MTFMT: variants seen among roughly 807,000 people sequenced by gnomAD.
MTFMT encodes the protein methionyl-tRNA formyltransferase, mitochondrial.
In MTFMT, 47 loss-of-function variants were observed where a neutral mutation model predicts 51.8. The observed-to-expected ratio is 0.91, with a 90% CI of 0.72 to 1.16. MTFMT has a LOEUF of 1.16. MTFMT is among the 50% of genes most tolerant of loss of function. The pLI is 0.00. For missense variants in MTFMT, 512 were observed against 482.3 expected (o/e 1.06, Z -0.58); for synonymous variants, 196 against 176.7 (o/e 1.11, Z -0.87).
intron 6 of MTFMT, among the ~76,000 whole-genome samples, chr15:65,013,644 G>A (rs2086289086): frequency 6.6e-6 from 1 of 152,004 alleles, no homozygotes; most frequent in Non-Finnish European, 1.5e-5. Flanking sequence ...TTGCATTCCT[G>A]GGATAAATCC....
In MTFMT at chr15:65,013,515, A is replaced by G. The variant is rs571832043; in HGVS notation, c.813+2921T>C. Reference sequence around the variant, plus strand: ...TTCTAGTTTATTGAGGTTTTTTTACATGTGTTGGATTTTGTCAAATGCTTT... The same window carrying G: ...TTCTAGTTTATTGAGGTTTTTTTACGTGTGTTGGATTTTGTCAAATGCTTT... On this transcript the variant is annotated intron_variant, in intron 6 of 8. Coordinates refer to ENST00000220058, the MANE Select transcript of MTFMT (RefSeq NM_139242.4). 1.0e-3 allele frequency among the ~76,000 whole-genome samples: 158 copies of G among 152,158 alleles called. 1 individual carries two copies. The highest frequency in any genetic ancestry group is 2.1e-3 in the South Asian group (10 of 4,826).
At position 65,029,406 on chromosome 15, in the gene MTFMT, T is replaced by C; in HGVS notation, c.208A>G (p.Arg70Gly). 3 of 1,491,798 alleles carry C rather than the reference T, an allele frequency of 2.0e-6. No homozygotes were observed. Among genetic ancestry groups the C allele is most frequent in the Admixed American group, 2.2e-5 (1 of 45,450 alleles). 92.4% of individuals were successfully genotyped at this position (1,491,798 alleles called of 1,614,324 possible). A position where few individuals can be genotyped will look rare whatever the true frequency, so the allele number is the denominator to read the frequency against. The change falls in exon 1 of 9, where the codon AGG (arginine) becomes GGG (glycine). Residue 70 changes from arginine to glycine, a missense_variant and splice_region_variant. Physicochemically the swap from Arg to Gly is moderately radical, Grantham distance 125 (BLOSUM62 -2). Coordinates refer to ENST00000220058, the MANE Select transcript of MTFMT (RefSeq NM_139242.4). ...TCCCCGGATCCCTGGCCCGGGTACC[T>C]GGCGGCGTGCAGCGCCCGCAGCGCC... ...REALRALHAA[R>G]ENKEEELIDK...
intron 5 of MTFMT, among the ~76,000 whole-genome samples, chr15:65,016,927 T>A (rs958946803): frequency 5.2e-4 from 79 of 151,814 alleles, no homozygotes; most frequent in African/African-American, 1.7e-3. Flanking sequence ...ACTACAAGCG[T>A]GCACTACCAT....
Position 65,003,194 on chromosome 15 carries a change from G to A in MTFMT, c.1038C>T (p.Tyr346=). The A allele has an allele frequency of 6.2e-7, 1 of 1,613,784 alleles. No homozygotes were observed. Among genetic ancestry groups the A allele is most frequent in the Non-Finnish European group, 8.5e-7 (1 of 1,179,788 alleles). Residue 346 remains tyrosine, a synonymous_variant, in exon 9 of 9, where the codon TAC becomes TAT. Coordinates refer to ENST00000220058, the MANE Select transcript of MTFMT (RefSeq NM_139242.4). ...LKKSLTATDF[Y]NGYLHPWYQK... The stretch of plus-strand genomic sequence containing the variant: ...GGTACCAGGGGTGCAAATATCCATT[G>A]TAGAAGTCAGTAGCTGTTAGTGATT...
rs764419030 is a variant in MTFMT, at chr15:65,021,565, C to T, written c.594G>A (p.Lys198=). ...LKQETVPVPP[K]STAKELEAVL... The stretch of plus-strand genomic sequence containing the variant: ...CTGCTTCCAATTCCTTTGCAGTGCT[C>T]TTGGGTGGCACAGGAACAGTTTCTT... Residue 198 remains lysine (K), a synonymous_variant, in exon 4 of 9, where the codon AAG becomes AAA. Coordinates refer to ENST00000220058, the MANE Select transcript of MTFMT (RefSeq NM_139242.4). 13 of 1,605,760 alleles carry T rather than the reference C, an allele frequency of 8.1e-6. No homozygotes were observed. The highest frequency in any genetic ancestry group is 1.1e-5 in the Non-Finnish European group (13 of 1,173,262).
intron 7 of MTFMT, among the ~76,000 whole-genome samples, chr15:65,005,199 A>G (rs1218925092): frequency 1.3e-5 from 2 of 152,192 alleles, no homozygotes; most frequent in Non-Finnish European, 2.9e-5. Context: ...TGAATCTACA[A>G]GTTTTGTGTT....
Position 65,029,523 on chromosome 15 carries a change from G to A in MTFMT, c.91C>T (p.Arg31Ter), listed in dbSNP as rs1555404423. 1.3e-6 allele frequency: 2 copies of A among 1,528,198 alleles called. No individual in the cohort carries two copies. Among genetic ancestry groups the A allele is most frequent in the Middle Eastern group, 1.8e-4 (1 of 5,526 alleles). 94.7% of individuals were successfully genotyped at this position (1,528,198 alleles called of 1,614,324 possible). A position where few individuals can be genotyped will look rare whatever the true frequency, so the allele number is the denominator to read the frequency against. The stretch of plus-strand genomic sequence containing the variant: ...TCCCGGCAGTCCTCCCAGCCGAGTC[G>A]GGCCAGTGCTCGCCACTGGGGACTC... ...RPSPQWRALA[R>*]LGWEDCRDSR... Residue 31 changes from arginine (R) to a stop codon, truncating the protein, a stop_gained, in exon 1 of 9, where the codon CGA becomes TGA. Coordinates refer to ENST00000220058, the MANE Select transcript of MTFMT (RefSeq NM_139242.4). LOFTEE classifies it high-confidence loss of function.
At chr15:65,009,684 G>A (rs9920747) in intron 6 of MTFMT, among the ~76,000 whole-genome samples, 6,937 of 43,736 alleles carry the variant, frequency 0.16, 544 homozygotes, top group African/African-American at 0.38. Flanking sequence ...ACCGGATCTT[G>A]CTCTGTCATC....
intron 7 of MTFMT, among the ~76,000 whole-genome samples, chr15:65,005,270 C>G (rs2086212673): frequency 6.6e-6 from 1 of 152,178 alleles, no homozygotes; most frequent in Non-Finnish European, 1.5e-5. Context: ...AGGATTTAGG[C>G]TGGCCCTTTC....
At chr15:65,011,731 A>AG (rs888757448) in intron 6 of MTFMT, among the ~76,000 whole-genome samples, 1 of 151,956 alleles carries the variant, frequency 6.6e-6, no homozygotes, top group African/African-American at 2.4e-5. Context: ...CTTGGGTTCA[A>AG]GCAGTCCTCC....
chr15:65,006,790 A>G (rs1050944421), intron 6 of MTFMT, among the ~76,000 whole-genome samples: 2 of 152,214 alleles, frequency 1.3e-5, no homozygotes, highest in African/African-American at 2.4e-5. Flanking sequence ...ATTATGTTAA[A>G]AAATTTTAGA....
intron 6 of MTFMT, among the ~76,000 whole-genome samples, chr15:65,010,402 C>T (rs1004803551): frequency 6.6e-6 from 1 of 152,114 alleles, no homozygotes; most frequent in African/African-American, 2.4e-5. Flanking sequence ...CCATTATCCT[C>T]TCTCCTCCAG....
intron 4 of MTFMT, among the ~76,000 whole-genome samples, chr15:65,020,874 C>T (rs2086368287): frequency 6.6e-6 from 1 of 152,118 alleles, no homozygotes; most frequent in African/African-American, 2.4e-5. Flanking sequence ...AGCCAATGTT[C>T]AATAAACGGC....
intron 1 of MTFMT, 99 bp downstream of exon 1, chr15:65,029,306 G>A (rs1595894546): frequency 3.0e-6 from 4 of 1,329,570 alleles, no homozygotes; most frequent in Non-Finnish European, 3.8e-6. Context: ...TGCCGCCCAT[G>A]CTTTCCGCAA....
At position 65,027,195 on chromosome 15, in the gene MTFMT, T is replaced by C. The variant is rs554635045; in HGVS notation, c.210-155A>G. On this transcript the variant is annotated intron_variant, in intron 1 of 8. Transcript: ENST00000220058. ...TGTGAGAGACTGAGTTTTCATTTTTTCTTTTTCTTTTTTTTTTTTTGAGCT... is the reference window on the plus strand; with the variant it reads ...TGTGAGAGACTGAGTTTTCATTTTTCCTTTTTCTTTTTTTTTTTTTGAGCT... Among the ~76,000 whole-genome samples, 27 of 152,054 alleles carry C rather than the reference T, an allele frequency of 1.8e-4. 1 individual carries two copies. Among genetic ancestry groups the C allele is most frequent in the African/African-American group, 6.5e-4 (27 of 41,486 alleles).
At position 65,023,683 on chromosome 15, in the gene MTFMT, A is replaced by C. The variant is rs372125461; in HGVS notation, c.531T>G (p.Ile177Met). 1 of 1,613,534 alleles carries C rather than the reference A, an allele frequency of 6.2e-7. No homozygotes were observed. The highest frequency in any genetic ancestry group is 1.3e-5 in the African/African-American group (1 of 75,048). The change falls in exon 3 of 9, where the codon ATT (isoleucine) becomes ATG (methionine). Residue 177 changes from isoleucine to methionine, a missense_variant. Transcript: ENST00000220058. ...DTVTGVTIMQ[I>M]RPKRFDVGPI... ...AAAATATGTGCTACCTTTTAGGTCTAATTTGCATAATTGTTACTCCAGTAA... is the reference window on the plus strand; with the variant it reads ...AAAATATGTGCTACCTTTTAGGTCTCATTTGCATAATTGTTACTCCAGTAA...
rs35599676 is a variant in MTFMT, at chr15:65,014,322, ATTTTTTTT to A, written c.813+2106_813+2113del. On this transcript the variant is annotated intron_variant, in intron 6 of 8. Coordinates refer to ENST00000220058, the MANE Select transcript of MTFMT (RefSeq NM_139242.4). Reference sequence around the variant, plus strand: ...ATCAAGGAATTTATCACACTATTTGATTTTTTTTTTTTTTTTTTTGAGATGGAGTTTCG... The same window carrying A: ...ATCAAGGAATTTATCACACTATTTGATTTTTTTTTTTGAGATGGAGTTTCG... 3.2e-5 allele frequency among the ~76,000 whole-genome samples: 4 copies of A among 123,104 alleles called. No homozygotes were observed. In the Admixed American group the frequency reaches 3.6e-4, roughly 11 times the overall value. The allele number at this position is 123,104 out of a possible 152,430, so 80.8% of individuals were successfully genotyped here.
At chr15:65,018,662 GACAT>G (rs2086344722) in intron 5 of MTFMT, among the ~76,000 whole-genome samples, 1 of 152,188 alleles carries the variant, frequency 6.6e-6, no homozygotes, top group African/African-American at 2.4e-5. Context: ...GCGAGCCTGG[GACAT>G]ACTGTGGTGG....
chr15:65,005,568 T>C (rs1466060311), intron 7 of MTFMT, among the ~76,000 whole-genome samples: 1 of 151,684 alleles, frequency 6.6e-6, no homozygotes, highest in Non-Finnish European at 1.5e-5. Context: ...TAAAATGGGA[T>C]AGGAACACTG....
Sources: gnomAD v4.1 joint callset for allele counts (sites outside exome capture counted in the v4.1 genomes callset) on GRCh38, gnomAD v4.1.1 for gene constraint, MANE v1.5 for transcripts, NCBI Gene and HGNC (gene_info 2026-07-23, HGNC 2026-07-21) for gene names.